The following TXNRD3 variants were observed in gnomAD, a reference collection of about 807,000 sequenced individuals.
TXNRD3 encodes the protein TXNRD3 neighbor gene protein.
TXNRD3 carries 68 observed loss-of-function variants against 78.2 expected under a neutral mutation model. The observed-to-expected ratio is 0.87, with a 90% CI of 0.72 to 1.06. The LOEUF (loss-of-function observed/expected upper bound fraction) is 1.06. TXNRD3 is among the 50% of genes least tolerant of loss of function. TXNRD3 has a pLI of 0.00. For synonymous variants in TXNRD3, 296 were observed against 300.1 expected, an observed-to-expected ratio of 0.99 and a Z score of 0.14; for missense variants, 751 against 809.5, an observed-to-expected ratio of 0.93 and a Z score of 0.88.
intron 6 of TXNRD3, among the ~76,000 whole-genome samples, chr3:126,641,161 A>G (rs1018312940): frequency 6.6e-6 from 1 of 152,194 alleles, no homozygotes; most frequent in African/African-American, 2.4e-5. Flanking sequence ...ATAGTTTACT[A>G]TGGCACACAT....
chr3:126,645,064 T>G (rs1239336523), intron 3 of TXNRD3, among the ~76,000 whole-genome samples: 1 of 152,240 alleles, frequency 6.6e-6, no homozygotes, highest in Non-Finnish European at 1.5e-5. Flanking sequence ...ACCTTGGCTT[T>G]AGACAAATAC....
At chr3:126,633,711 C>T (rs1938780702) in intron 7 of TXNRD3, among the ~76,000 whole-genome samples, 198 bp downstream of exon 7, 1 of 152,092 alleles carries the variant, frequency 6.6e-6, no homozygotes, top group African/African-American at 2.4e-5. Flanking sequence ...TTCTTTAAAA[C>T]ACAATTTCTT....
At chr3:126,617,733 C>T (rs996761850) in intron 12 of TXNRD3, among the ~76,000 whole-genome samples, 3 of 152,182 alleles carry the variant, frequency 2.0e-5, no homozygotes, top group Admixed American at 2.0e-4. Flanking sequence ...CCAGAGCAGT[C>T]AGGATGAGAA....
chr3:126,627,044 C>T (rs907670692), intron 10 of TXNRD3, among the ~76,000 whole-genome samples: 1 of 152,108 alleles, frequency 6.6e-6, no homozygotes, highest in Non-Finnish European at 1.5e-5. Flanking sequence ...GCCTTGATCT[C>T]ACCACTGCAC....
intron 6 of TXNRD3, among the ~76,000 whole-genome samples, chr3:126,634,989 T>C (rs1222626817): frequency 6.6e-6 from 1 of 152,206 alleles, no homozygotes; most frequent in Non-Finnish European, 1.5e-5. Context: ...GATGCCAATG[T>C]ACCAGTCTCC....
At chr3:126,628,007 C>G (rs1938620237) in intron 10 of TXNRD3, among the ~76,000 whole-genome samples, 1 of 152,046 alleles carries the variant, frequency 6.6e-6, no homozygotes, top group South Asian at 2.1e-4. Context: ...TGGGTTTATA[C>G]AAAGGATACA....
chr3:126,634,450 A>G (rs1032811405), intron 6 of TXNRD3, among the ~76,000 whole-genome samples: 1 of 152,194 alleles, frequency 6.6e-6, no homozygotes, highest in African/African-American at 2.4e-5. Flanking sequence ...TGAGCTTGGT[A>G]CACTCACCTC....
At chr3:126,641,320 C>T (rs1933082020) in intron 6 of TXNRD3, among the ~76,000 whole-genome samples, 2 of 152,146 alleles carry the variant, frequency 1.3e-5, no homozygotes, top group South Asian at 4.1e-4. Flanking sequence ...CTACTCTTCA[C>T]TCCAGCCACT....
chr3:126,629,847 G>A (rs1198282738), intron 9 of TXNRD3, among the ~76,000 whole-genome samples: 1 of 152,218 alleles, frequency 6.6e-6, no homozygotes, highest in Non-Finnish European at 1.5e-5. Flanking sequence ...TGTTAAGTTT[G>A]AAATGCTTAT....
At chr3:126,642,000 T>C in intron 6 of TXNRD3, 32 bp downstream of exon 6, 1 of 1,482,830 alleles carries the variant, frequency 6.7e-7, no homozygotes, top group Non-Finnish European at 8.9e-7. Context: ...TTTTCTTTTC[T>C]CTCAATCTAT....
chr3:126,654,848 G>T lies in TXNRD3; in HGVS notation c.143C>A (p.Ser48Ter). 1 of 1,365,076 alleles carries T rather than the reference G, an allele frequency of 7.3e-7. No individual in the cohort carries two copies. The highest frequency in any genetic ancestry group is 1.7e-5 in the South Asian group (1 of 58,034). 84.6% of individuals were successfully genotyped at this position (1,365,076 alleles called of 1,614,324 possible). A position where few individuals can be genotyped will look rare whatever the true frequency, so the allele number is the denominator to read the frequency against. The stretch of plus-strand genomic sequence containing the variant: ...GCGCAGCTCCTCGCGGGCCTCGGAC[G>T]AGCGGCTGGGCCCGGGGGACGACAG... Residue 48 changes from serine to a stop codon, truncating the protein, a stop_gained, in exon 1 of 16, where the codon TCG becomes TAG. Transcript: ENST00000524230. LOFTEE classifies it high-confidence loss of function.
At chr3:126,644,690 G>T (rs1933186703) in intron 3 of TXNRD3, among the ~76,000 whole-genome samples, 1 of 152,196 alleles carries the variant, frequency 6.6e-6, no homozygotes, top group Non-Finnish European at 1.5e-5. Context: ...GTAAGATGAG[G>T]TCATTTTCCT....
At chr3:126,654,688 G>T in intron 1 of TXNRD3, 60 bp downstream of exon 1, 1 of 1,159,542 alleles carries the variant, frequency 8.6e-7, no homozygotes, top group Non-Finnish European at 1.1e-6. Flanking sequence ...CCCTGCCCCG[G>T]GTGGCGTCCG....
At chr3:126,616,782 C>G (rs557125807) in intron 12 of TXNRD3, among the ~76,000 whole-genome samples, 2 of 152,220 alleles carry the variant, frequency 1.3e-5, no homozygotes, top group Admixed American at 6.5e-5. Context: ...CAAAACACCA[C>G]CACGTATCCC....
At chr3:126,625,901 T>C (rs1180903304) in intron 10 of TXNRD3, 2 of 152,626 alleles carry the variant, frequency 1.3e-5, no homozygotes, top group African/African-American at 4.8e-5. Flanking sequence ...GTATATTCTT[T>C]ACCCAAATCT....
At position 126,621,173 on chromosome 3, in the gene TXNRD3, T is replaced by C. The variant is rs1237045826; in HGVS notation, c.1524+569A>G. ...TCCCAAATTATTTGATTTAAAAATA[T>C]GAAAAGTGGAAATCCTCTGTAGAAA... is the stretch of plus-strand genomic sequence containing the variant. On this transcript the variant is annotated intron_variant, in intron 12 of 15. Coordinates refer to ENST00000524230, the MANE Select transcript of TXNRD3 (RefSeq NM_052883.3). Among the ~76,000 whole-genome samples the C allele has an allele frequency of 3.3e-5, 5 of 152,336 alleles. No individual in the cohort carries two copies. The East Asian group carries it at 7.7e-4, about 23-fold the overall frequency.
In TXNRD3 at chr3:126,631,045, T is replaced by C. The variant is rs899916489; in HGVS notation, c.972-108A>G. 2.7e-6 allele frequency: 3 copies of C among 1,117,726 alleles called. No individual in the cohort carries two copies. In the African/African-American group the frequency reaches 4.7e-5, roughly 18 times the overall value. The allele number at this position is 1,117,726 out of a possible 1,614,324, so 69.2% of individuals were successfully genotyped here. On this transcript the variant is annotated intron_variant, in intron 8 of 15. Coordinates refer to ENST00000524230, the MANE Select transcript of TXNRD3 (RefSeq NM_052883.3). Reference sequence around the variant, plus strand: ...TGATGACTGAATTATAATTTAGTGCTTGAATGAAGCAACAGCCTTTTGAAA... The same window carrying C: ...TGATGACTGAATTATAATTTAGTGCCTGAATGAAGCAACAGCCTTTTGAAA...
intron 10 of TXNRD3, among the ~76,000 whole-genome samples, chr3:126,624,068 C>T (rs1051312977): frequency 2.0e-5 from 3 of 151,710 alleles, no homozygotes; most frequent in Non-Finnish European, 2.9e-5. Context: ...CTCTAGAGCC[C>T]AATGATAAAA....
chr3:126,644,064 A>T lies in TXNRD3; in HGVS notation c.520-11T>A. ...CAAAATGGCAGCTTCCTACAAACGA[A>T]CAACAACAAAAATTACGTATAAAGA... On this transcript the variant is annotated splice_polypyrimidine_tract_variant and intron_variant, in intron 4 of 15. Coordinates refer to ENST00000524230, the MANE Select transcript of TXNRD3 (RefSeq NM_052883.3). 6.5e-7 allele frequency: 1 copy of T among 1,535,444 alleles called. No individual in the cohort carries two copies. The highest frequency in any genetic ancestry group is 8.7e-7 in the Non-Finnish European group (1 of 1,146,732).
Sources: gnomAD v4.1 joint callset for allele counts (sites outside exome capture counted in the v4.1 genomes callset) on GRCh38, gnomAD v4.1.1 for gene constraint, MANE v1.5 for transcripts, NCBI Gene and HGNC (gene_info 2026-07-23, HGNC 2026-07-21) for gene names.